Variants in PLCH1 observed in about 807,000 individuals in gnomAD.
The protein encoded by PLCH1 is 1-phosphatidylinositol 4,5-bisphosphate phosphodiesterase eta-1.
A neutral mutation model predicts 126.7 loss-of-function variants in PLCH1; 60 were observed. That is an observed-to-expected ratio of 0.47 (90% CI 0.38 to 0.59). The LOEUF (loss-of-function observed/expected upper bound fraction) is 0.59. Ranked by LOEUF, PLCH1 falls within the 20% of genes least tolerant of loss-of-function variation. The probability of loss-of-function intolerance (pLI) is 0.00; values close to 1 mark genes in which losing one functional copy is unlikely to be tolerated. For synonymous variants in PLCH1, 719 were observed against 734.9 expected (o/e 0.98, Z 0.35); for missense variants, 1,723 against 2,040.0 (o/e 0.84, Z 2.99).
intron 15 of PLCH1, among the ~76,000 whole-genome samples, chr3:155,494,959 C>T (rs539903713): frequency 3.9e-4 from 59 of 152,188 alleles, no homozygotes; most frequent in African/African-American, 1.4e-3. Flanking sequence ...ATCTAAAAGG[C>T]ACACAAGTAA....
chr3:155,664,343 G>C (rs995933176), intron 2 of PLCH1, among the ~76,000 whole-genome samples: 1 of 152,146 alleles, frequency 6.6e-6, no homozygotes, highest in Admixed American at 6.5e-5. Flanking sequence ...CAACCCTTCG[G>C]TCAAGACTCC....
At chr3:155,718,871 A>G (rs1747723929) in intron 1 of PLCH1, among the ~76,000 whole-genome samples, 2 of 149,954 alleles carry the variant, frequency 1.3e-5, no homozygotes, top group Admixed American at 6.6e-5. Flanking sequence ...CCAAGTACTG[A>G]GGAAGTATAT....
chr3:155,458,450 G>A lies in PLCH1; in HGVS notation c.2938+26906C>T, dbSNP rs1421110998. 4.4e-4 allele frequency among the ~76,000 whole-genome samples: 28 copies of A among 62,940 alleles called. 3 individuals carry two copies. Among genetic ancestry groups the A allele is most frequent in the African/African-American group, 2.7e-3 (28 of 10,204 alleles). 41.3% of individuals were successfully genotyped at this position (62,940 alleles called of 152,430 possible). A position where few individuals can be genotyped will look rare whatever the true frequency, so the allele number is the denominator to read the frequency against. On this transcript the variant is annotated intron_variant, in intron 21 of 21. Transcript: ENST00000494598. The stretch of plus-strand genomic sequence containing the variant: ...GGAAGGAAGGAAGGAAGGAAGGAAG[G>A]AAGGAAAGAAAGAAAGAAAGAAAGA...
intron 6 of PLCH1, among the ~76,000 whole-genome samples, chr3:155,569,761 T>C (rs1444596271): frequency 6.6e-6 from 1 of 152,204 alleles, no homozygotes; most frequent in Non-Finnish European, 1.5e-5. Flanking sequence ...TGCAATTATT[T>C]TGTTTATAAG....
chr3:155,487,483 A>G (rs1301727206), intron 21 of PLCH1, among the ~76,000 whole-genome samples: 1 of 152,240 alleles, frequency 6.6e-6, no homozygotes. Context: ...AGACAACAGC[A>G]TCAGGAAAGA....
chr3:155,738,062 G>A (rs1370579870), intron 1 of PLCH1, among the ~76,000 whole-genome samples: 2 of 152,154 alleles, frequency 1.3e-5, no homozygotes, highest in Non-Finnish European at 2.9e-5. Context: ...CAATTGACCG[G>A]GTAAGGCTAG....
At chr3:155,644,549 G>C (rs1342838213) in intron 2 of PLCH1, among the ~76,000 whole-genome samples, 18 of 152,140 alleles carry the variant, frequency 1.2e-4, no homozygotes. Flanking sequence ...GTTGCAGAGA[G>C]CTGAGGTCGC....
intron 1 of PLCH1, among the ~76,000 whole-genome samples, chr3:155,740,430 A>C (rs1319687826): frequency 3.3e-5 from 5 of 151,732 alleles, no homozygotes; most frequent in Admixed American, 1.3e-4. Flanking sequence ...AAAAAGAAGA[A>C]GAAGAAGGTA....
intron 21 of PLCH1, chr3:155,457,270 G>C (rs1252926365): frequency 2.0e-5 from 3 of 152,278 alleles, no homozygotes; most frequent in Non-Finnish European, 4.4e-5. Flanking sequence ...CTGCCCTAGA[G>C]TTCTAGCAGG....
At chr3:155,511,426 G>A (rs868397572) in intron 12 of PLCH1, among the ~76,000 whole-genome samples, 6 of 100,374 alleles carry the variant, frequency 6.0e-5, no homozygotes, top group South Asian at 3.2e-4. Flanking sequence ...AGGAGGAGAG[G>A]CGCTCTGCGT....
chr3:155,702,955 C>A (rs73876924), intron 2 of PLCH1, among the ~76,000 whole-genome samples: 2,289 of 152,306 alleles, frequency 0.015, 62 homozygotes, highest in African/African-American at 0.052. Context: ...GCTAAGGGCA[C>A]TTCACCACTG....
At chr3:155,559,868 T>C (rs1727345512) in intron 8 of PLCH1, among the ~76,000 whole-genome samples, 1 of 152,204 alleles carries the variant, frequency 6.6e-6, no homozygotes, top group African/African-American at 2.4e-5. Flanking sequence ...AAAGCTCCCA[T>C]TTTAGAATTA....
Position 155,549,841 on chromosome 3 carries a change from C to T in PLCH1, c.1308G>A (p.Gly436=). 8 of 1,613,870 alleles carry T rather than the reference C, an allele frequency of 5.0e-6. No individual in the cohort carries two copies. Among genetic ancestry groups the T allele is most frequent in the Non-Finnish European group, 6.8e-6 (8 of 1,179,798 alleles). Reference sequence around the variant, plus strand: ...GAGGGCTTGGAAGCTGCTTGCACTCCCCTGTATCAACAGATGACAGGTCCA... The same window carrying T: ...GAGGGCTTGGAAGCTGCTTGCACTCTCCTGTATCAACAGATGACAGGTCCA... ...DKLDLSSVDT[G]ECKQLPSPQS... is the part of the protein sequence containing the mutation. The change falls in exon 10 of 23, where the codon GGG becomes GGA. Residue 436 remains glycine, a synonymous_variant. Transcript: ENST00000460012.
At chr3:155,676,197 C>T in intron 2 of PLCH1, 10 of 1,296,752 alleles carry the variant, frequency 7.7e-6, no homozygotes, top group Non-Finnish European at 9.9e-6. Context: ...CCCTTTATGG[C>T]ATGATGAGAT....
chr3:155,474,412 G>A (rs1391367024), intron 21 of PLCH1, among the ~76,000 whole-genome samples: 13 of 149,544 alleles, frequency 8.7e-5, no homozygotes, highest in African/African-American at 2.0e-4. Flanking sequence ...GCAATCATTA[G>A]AAAGTCAGGA....
At chr3:155,719,963 T>G (rs1414610579) in intron 1 of PLCH1, among the ~76,000 whole-genome samples, 1 of 151,904 alleles carries the variant, frequency 6.6e-6, no homozygotes, top group Non-Finnish European at 1.5e-5. Flanking sequence ...GCCCGGCTAA[T>G]TTTTGTATTT....
intron 2 of PLCH1, among the ~76,000 whole-genome samples, chr3:155,612,908 TA>T (rs59489759): frequency 0.11 from 10,062 of 94,566 alleles, 463 homozygotes; most frequent in Middle Eastern, 0.16. Context: ...AACTGTGTAT[TA>T]AAAAAAAAAA....
downstream of PLCH1, among the ~76,000 whole-genome samples, chr3:155,475,779 C>G (rs560977159): frequency 6.6e-6 from 1 of 151,766 alleles, no homozygotes; most frequent in African/African-American, 2.4e-5. Context: ...ATCCAAAACC[C>G]AAACAAATTG....
intron 2 of PLCH1, among the ~76,000 whole-genome samples, chr3:155,662,360 T>C (rs1742264121): frequency 6.6e-6 from 1 of 152,076 alleles, no homozygotes; most frequent in South Asian, 2.1e-4. Flanking sequence ...TCCAGCTACT[T>C]GGGTGGCTGA....
Sources: gnomAD v4.1 joint callset for allele counts (sites outside exome capture counted in the v4.1 genomes callset) on GRCh38, gnomAD v4.1.1 for gene constraint, MANE v1.5 for transcripts, NCBI Gene and HGNC (gene_info 2026-07-23, HGNC 2026-07-21) for gene names.